Variants in ATP2A2 observed in about 807,000 individuals in gnomAD.
The protein encoded by ATP2A2 is sarcoplasmic/endoplasmic reticulum calcium ATPase 2.
In ATP2A2, 14 loss-of-function variants were observed where a neutral mutation model predicts 109.3. The observed-to-expected ratio is 0.13, with a 90% CI of 0.08 to 0.20. ATP2A2 has a LOEUF of 0.20. Ranked by LOEUF, ATP2A2 falls within the 10% of genes least tolerant of loss-of-function variation. ATP2A2 has a pLI of 1.00. For missense variants in ATP2A2, 657 were observed against 1,321.6 expected, an observed-to-expected ratio of 0.50 and a Z score of 7.80; for synonymous variants, 506 against 490.9, an observed-to-expected ratio of 1.03 and a Z score of -0.41.
intron 6 of ATP2A2, among the ~76,000 whole-genome samples, chr12:110,325,025 G>A (rs1877637807): frequency 6.6e-6 from 1 of 151,386 alleles, no homozygotes; most frequent in South Asian, 2.1e-4. Flanking sequence ...TGTTGTCCAG[G>A]CTGGTCTTGA....
rs1254858045 is a variant in ATP2A2 at position 110,327,088 on chromosome 12, T to G, written c.631-465T>G. ...TCTCTTATAACACTAGGAATTAAAG[T>G]GGCATGGGAGAGACTGCTCACATTT... is the stretch of plus-strand genomic sequence containing the variant. On this transcript the variant is annotated intron_variant, in intron 7 of 19. Transcript: ENST00000539276. This position sits in a 1 kb window ranked among gnomAD's most constrained non-coding sequence, Gnocchi z 4.4. Among the ~76,000 whole-genome samples, 1 of 152,186 alleles carries G rather than the reference T, an allele frequency of 6.6e-6. No homozygotes were observed. Among genetic ancestry groups the G allele is most frequent in the Non-Finnish European group, 1.5e-5 (1 of 68,026 alleles).
In ATP2A2 at chr12:110,346,934, A is replaced by G. The variant is rs780502260; in HGVS notation, c.*464A>G. 1.7e-4 allele frequency: 185 copies of G among 1,085,714 alleles called. No homozygotes were observed. Among genetic ancestry groups the G allele is most frequent in the Non-Finnish European group, 1.9e-4 (172 of 891,492 alleles). The allele number at this position is 1,085,714 out of a possible 1,614,324, so 67.3% of individuals were successfully genotyped here. A position where few individuals can be genotyped will look rare whatever the true frequency, so the allele number is the denominator to read the frequency against. On this transcript the variant is annotated 3_prime_UTR_variant, in exon 20 of 20. Transcript: ENST00000539276. ...CAGTCTAATTTTTATTCATAAGCCA[A>G]TTTTTCTGCACTGAGCAGAGTCTTG...
At chr12:110,333,428 G>A in intron 10 of ATP2A2, 145 bp downstream of exon 10, 1 of 772,156 alleles carries the variant, frequency 1.3e-6, no homozygotes, top group Non-Finnish European at 2.3e-6. Context: ...ACCTGATGGT[G>A]GGGCCAGCAT....
rs527919266 is a variant in ATP2A2 at position 110,292,408 on chromosome 12, A to G, written c.324+284A>G. Among the ~76,000 whole-genome samples the G allele has an allele frequency of 4.6e-5, 7 of 152,190 alleles. No homozygotes were observed. The South Asian group carries it at 1.5e-3, about 32-fold the overall frequency. The stretch of plus-strand genomic sequence containing the variant: ...CAGCCTCCCAAGTAGCTGGGACTAC[A>G]GGCACGCACCACCACGCCCAGCTCA... On this transcript the variant is annotated intron_variant, in intron 4 of 19. Transcript: ENST00000539276.
rs1190012833 is a variant in ATP2A2 at position 110,348,395 on chromosome 12, C to T, written c.*1925C>T. 44 of 985,334 alleles carry T rather than the reference C, an allele frequency of 4.5e-5. No individual in the cohort carries two copies. The highest frequency in any genetic ancestry group is 5.2e-5 in the Non-Finnish European group (43 of 830,022). The allele number at this position is 985,334 out of a possible 1,614,324, so 61.0% of individuals were successfully genotyped here. A position where few individuals can be genotyped will look rare whatever the true frequency, so the allele number is the denominator to read the frequency against. ...CTTACTCCTTAGCCAGGGTGTGAGG[C>T]CTCGACTATATTCTTCAAAATGTAC... On this transcript the variant is annotated 3_prime_UTR_variant, in exon 20 of 20. Coordinates refer to ENST00000539276, the MANE Select transcript of ATP2A2 (RefSeq NM_170665.4).
intron 5 of ATP2A2, among the ~76,000 whole-genome samples, chr12:110,313,240 T>C (rs1876286127): frequency 6.6e-6 from 1 of 151,986 alleles, no homozygotes; most frequent in South Asian, 2.1e-4. Context: ...GCCAACCTTT[T>C]CATTCTTGCT....
At chr12:110,334,548 T>C (rs888089361) in intron 11 of ATP2A2, among the ~76,000 whole-genome samples, 4 of 151,928 alleles carry the variant, frequency 2.6e-5, no homozygotes, top group Non-Finnish European at 5.9e-5. Context: ...TTATTTCCCC[T>C]GTCAGCTACC....
chr12:110,344,608 A>G (rs896911608), intron 16 of ATP2A2, among the ~76,000 whole-genome samples: 8 of 152,178 alleles, frequency 5.3e-5, no homozygotes, highest in African/African-American at 1.9e-4. Context: ...CGGCAAGGGG[A>G]AAGGTTGGCA....
chr12:110,313,506 G>C (rs1014689476), intron 5 of ATP2A2, among the ~76,000 whole-genome samples: 8 of 150,966 alleles, frequency 5.3e-5, no homozygotes, highest in African/African-American at 1.7e-4. Flanking sequence ...GTAGAGATGG[G>C]GTTTCACCAT....
At chr12:110,312,871 C>G (rs1029566860) in intron 5 of ATP2A2, among the ~76,000 whole-genome samples, 13 of 144,750 alleles carry the variant, frequency 9.0e-5, no homozygotes, top group South Asian at 2.2e-4. Flanking sequence ...AAAAAGAAAA[C>G]AAAACAAAAA....
chr12:110,346,412 C>T lies in ATP2A2; in HGVS notation c.3071C>T (p.Pro1024Leu), dbSNP rs1879863613. 1 of 1,614,060 alleles carries T rather than the reference C, an allele frequency of 6.2e-7. No homozygotes were observed. The highest frequency in any genetic ancestry group is 8.5e-7 in the Non-Finnish European group (1 of 1,180,044). ...TGGCCGTTTGTGCTGCTCATAATGC[C>T]CCTGGTGATCTGGGTCTATAGCACA... ...ISWPFVLLIM[P>L]LVIWVYSTDT... The change falls in exon 20 of 20, where the codon CCC (proline) becomes CTC (leucine). Residue 1024 changes from proline (P) to leucine (L), a missense_variant. By Grantham distance (98) the Pro-to-Leu change is moderately conservative. Around this residue, in one of 9 missense-constraint regions of ATP2A2, gnomAD observed 53 missense variants for 61.2 expected, o/e 0.87. Coordinates refer to ENST00000539276, the MANE Select transcript of ATP2A2 (RefSeq NM_170665.4).
At chr12:110,288,253 A>G (rs1313065668) in intron 3 of ATP2A2, among the ~76,000 whole-genome samples, 5 of 151,524 alleles carry the variant, frequency 3.3e-5, no homozygotes, top group African/African-American at 1.2e-4. Context: ...ATGCCCTGCC[A>G]TGCCCAACTA....
intron 16 of ATP2A2, among the ~76,000 whole-genome samples, chr12:110,344,076 C>T (rs1174020356): frequency 5.9e-5 from 9 of 152,170 alleles, no homozygotes; most frequent in South Asian, 4.1e-4. Context: ...TGTGCCCTTC[C>T]GGAGAGATTC....
intron 3 of ATP2A2, among the ~76,000 whole-genome samples, chr12:110,285,107 TAAAAA>T (rs1451909311): frequency 6.6e-6 from 1 of 151,992 alleles, no homozygotes; most frequent in Non-Finnish European, 1.5e-5. Context: ...ATGCTTAAAT[TAAAAA>T]GAATATTAGT....
intron 8 of ATP2A2, among the ~76,000 whole-genome samples, chr12:110,328,468 C>T (rs1380789706): frequency 1.3e-5 from 2 of 152,120 alleles, no homozygotes; most frequent in East Asian, 3.9e-4. Context: ...ACTCGAGAGG[C>T]TGAGACAGGA....
chr12:110,327,396 T>C lies in ATP2A2; in HGVS notation c.631-157T>C, dbSNP rs1877915737. ...AGTAAGTAGCACATGGAGCATTGCT[T>C]GTTGTCACAGTTGTATGGCTGGTTG... On this transcript the variant is annotated intron_variant, in intron 7 of 19. Coordinates refer to ENST00000539276, the MANE Select transcript of ATP2A2 (RefSeq NM_170665.4). The surrounding 1 kb of genome is among the most constrained non-coding windows in gnomAD (Gnocchi z 4.4). 6.6e-6 allele frequency among the ~76,000 whole-genome samples: 1 copy of C among 152,176 alleles called. No individual in the cohort carries two copies.
chr12:110,347,315 A>G lies in ATP2A2; in HGVS notation c.*845A>G, dbSNP rs1255467343. The G allele has an allele frequency of 7.9e-7, 1 of 1,273,016 alleles. No individual in the cohort carries two copies. The highest frequency in any genetic ancestry group is 1.0e-6 in the Non-Finnish European group (1 of 978,064). 78.9% of individuals were successfully genotyped at this position (1,273,016 alleles called of 1,614,324 possible). A position where few individuals can be genotyped will look rare whatever the true frequency, so the allele number is the denominator to read the frequency against. ...AAAAAATAAAACATTTTAAATGGACAGAGAAAAATAACTGTCTTGTCTTTA... is the reference window on the plus strand; with the variant it reads ...AAAAAATAAAACATTTTAAATGGACGGAGAAAAATAACTGTCTTGTCTTTA... On this transcript the variant is annotated 3_prime_UTR_variant, in exon 20 of 20. Transcript: ENST00000539276.
At chr12:110,333,395 T>A in intron 10 of ATP2A2, 112 bp downstream of exon 10, 1 of 1,032,028 alleles carries the variant, frequency 9.7e-7, no homozygotes, top group East Asian at 2.4e-5. Context: ...GGTGCCTGAT[T>A]TTGTTTCCCC....
chr12:110,330,541 T>A (rs182411014), intron 8 of ATP2A2: 81 of 152,370 alleles, frequency 5.3e-4, no homozygotes, highest in African/African-American at 1.7e-3. Flanking sequence ...AAGCTTTAAT[T>A]CCTCAGAATA....
Sources: allele counts gnomAD v4.1 joint callset (sites outside exome capture counted in the v4.1 genomes callset), GRCh38; gene constraint gnomAD v4.1.1; regional missense constraint gnomAD v4.1.1; non-coding constraint Gnocchi (gnomAD v3.1); transcripts MANE v1.5; gene names NCBI Gene and HGNC (gene_info 2026-07-23, HGNC 2026-07-21).